Variants in LRRC4C observed in about 807,000 individuals in gnomAD.
The protein encoded by LRRC4C is leucine rich repeat containing 4C.
LRRC4C carries 5 observed loss-of-function variants against 33.6 expected under a neutral mutation model. That is an observed-to-expected ratio of 0.15 (90% CI 0.08 to 0.31). The LOEUF (loss-of-function observed/expected upper bound fraction) is 0.31, where lower values mean the gene tolerates loss of function less well. Among genes scored for constraint, LRRC4C ranks in the 10% least tolerant of loss-of-function variants. The probability of loss-of-function intolerance (pLI) is 1.00; values close to 1 mark genes in which losing one functional copy is unlikely to be tolerated. For missense variants in LRRC4C, 560 were observed against 796.7 expected, an observed-to-expected ratio of 0.70 and a Z score of 3.58; for synonymous variants, 329 against 302.0, an observed-to-expected ratio of 1.09 and a Z score of -0.93.
At chr11:40,685,755 C>G (rs1245641724) in intron 2 of LRRC4C, among the ~76,000 whole-genome samples, 1 of 151,668 alleles carries the variant, frequency 6.6e-6, no homozygotes, top group African/African-American at 2.4e-5. Context: ...CAATTCTGTA[C>G]ACATAAGAGT....
chr11:41,007,534 C>A (rs1319006657), intron 1 of LRRC4C, among the ~76,000 whole-genome samples: 2 of 151,964 alleles, frequency 1.3e-5, no homozygotes, highest in African/African-American at 4.8e-5. Flanking sequence ...GGAATTTCTC[C>A]TATAGATGAA....
At chr11:40,431,958 C>T (rs565559097) in intron 3 of LRRC4C, among the ~76,000 whole-genome samples, 35 of 152,276 alleles carry the variant, frequency 2.3e-4, no homozygotes, top group Admixed American at 1.9e-3. Flanking sequence ...GGTCAGGACC[C>T]AAGGAAAAGT....
At chr11:41,044,852 T>C (rs781253922) in intron 1 of LRRC4C, among the ~76,000 whole-genome samples, 18 of 152,124 alleles carry the variant, frequency 1.2e-4, no homozygotes, top group Non-Finnish European at 2.2e-4. Flanking sequence ...AAGTCTCCTC[T>C]AAAATATCCT....
At chr11:40,119,468 T>C (rs1429363383) in intron 6 of LRRC4C, among the ~76,000 whole-genome samples, 1 of 152,188 alleles carries the variant, frequency 6.6e-6, no homozygotes, top group Non-Finnish European at 1.5e-5. Context: ...TATTTGTTTC[T>C]GGGTGGTTTC....
chr11:41,170,543 G>T (rs1470428450), intron 1 of LRRC4C, among the ~76,000 whole-genome samples: 4 of 152,210 alleles, frequency 2.6e-5, no homozygotes, highest in Non-Finnish European at 2.9e-5. Flanking sequence ...GAGAAAACTG[G>T]CTAGCCATAT....
chr11:41,064,414 G>T (rs1373298054), intron 1 of LRRC4C, among the ~76,000 whole-genome samples: 1 of 152,138 alleles, frequency 6.6e-6, no homozygotes, highest in African/African-American at 2.4e-5. Context: ...AGGAAATAAT[G>T]ACAGCATAAG....
rs560502148 is a variant in LRRC4C at position 40,360,332 on chromosome 11, T to A, written c.-269-40611A>T. ...GAGAGGGGCAAGTAGCAAAGAGTGATACAGAGATCTGCTGAGATTTCTCTG... is the reference window on the plus strand; with the variant it reads ...GAGAGGGGCAAGTAGCAAAGAGTGAAACAGAGATCTGCTGAGATTTCTCTG... On this transcript the variant is annotated intron_variant, in intron 3 of 6. Transcript: ENST00000528697. 1.9e-4 allele frequency among the ~76,000 whole-genome samples: 29 copies of A among 152,260 alleles called. No individual in the cohort carries two copies. The South Asian group carries it at 5.0e-3, about 26-fold the overall frequency.
At chr11:41,442,894 T>G (rs1474198223) in intron 1 of LRRC4C, among the ~76,000 whole-genome samples, 1 of 152,158 alleles carries the variant, frequency 6.6e-6, no homozygotes, top group Admixed American at 6.5e-5. Context: ...TTACAATGAC[T>G]TATGTATGCA....
At chr11:40,513,487 G>C (rs940220276) in intron 3 of LRRC4C, among the ~76,000 whole-genome samples, 1 of 152,100 alleles carries the variant, frequency 6.6e-6, no homozygotes, top group Non-Finnish European at 1.5e-5. Flanking sequence ...GACTAGCAAA[G>C]CACAGTGCAG....
At chr11:40,958,484 A>G (rs922879946) in intron 1 of LRRC4C, among the ~76,000 whole-genome samples, 2 of 151,750 alleles carry the variant, frequency 1.3e-5, no homozygotes, top group Admixed American at 6.6e-5. Flanking sequence ...TTATATTTTT[A>G]ATAGTCCCTA....
At chr11:40,835,830 C>T in intron 2 of LRRC4C, among the ~76,000 whole-genome samples, 1 of 152,164 alleles carries the variant, frequency 6.6e-6, no homozygotes, top group East Asian at 1.9e-4. Flanking sequence ...AATAGCATTC[C>T]TTTCCGTCAG....
chr11:40,788,916 C>A (rs1004579822), intron 2 of LRRC4C, among the ~76,000 whole-genome samples: 3 of 151,770 alleles, frequency 2.0e-5, no homozygotes, highest in African/African-American at 7.3e-5. Context: ...CATGGTGAAA[C>A]CCCGTCTCTA....
chr11:41,425,992 A>G (rs1955025795), intron 1 of LRRC4C, among the ~76,000 whole-genome samples: 1 of 152,160 alleles, frequency 6.6e-6, no homozygotes, highest in African/African-American at 2.4e-5. Context: ...TGAATCAAAA[A>G]CACTCTTCTA....
intron 1 of LRRC4C, among the ~76,000 whole-genome samples, chr11:41,272,909 TA>T (rs546644258): frequency 1.7e-3 from 264 of 152,252 alleles, no homozygotes; most frequent in African/African-American, 5.9e-3. Context: ...ATGAAGCAAT[TA>T]AGAGTCACAG....
chr11:41,305,314 A>G (rs373869127), intron 1 of LRRC4C, among the ~76,000 whole-genome samples: 456 of 33,472 alleles, frequency 0.014, 13 homozygotes, highest in East Asian at 0.026. Flanking sequence ...CAGCCGCCCC[A>G]TCCGGGAGGT....
At chr11:40,205,255 G>A (rs182364825) in intron 5 of LRRC4C, among the ~76,000 whole-genome samples, 35 of 152,132 alleles carry the variant, frequency 2.3e-4, no homozygotes, top group African/African-American at 7.2e-4. Flanking sequence ...TAAAATTTAC[G>A]GTGTGATAAT....
intron 1 of LRRC4C, among the ~76,000 whole-genome samples, chr11:40,962,509 A>G (rs1851045908): frequency 6.6e-6 from 1 of 151,740 alleles, no homozygotes; most frequent in South Asian, 2.1e-4. Flanking sequence ...GTAATAAATA[A>G]CTATCTTCAG....
chr11:40,578,248 A>G (rs1958308366), intron 3 of LRRC4C, among the ~76,000 whole-genome samples: 1 of 143,066 alleles, frequency 7.0e-6, no homozygotes, highest in Non-Finnish European at 1.5e-5. Context: ...TTGCTTCCCA[A>G]CTATGCCCCT....
chr11:40,670,166 G>T (rs1445158301), intron 2 of LRRC4C, among the ~76,000 whole-genome samples: 1 of 152,166 alleles, frequency 6.6e-6, no homozygotes, highest in Non-Finnish European at 1.5e-5. Context: ...CAGGAGTGGA[G>T]AACATTATAG....
Sources: allele counts gnomAD v4.1 joint callset (sites outside exome capture counted in the v4.1 genomes callset), GRCh38; gene constraint gnomAD v4.1.1; transcripts MANE v1.5; gene names NCBI Gene and HGNC (gene_info 2026-07-23, HGNC 2026-07-21).